The following GRIN3A variants were observed in gnomAD, a reference collection of about 807,000 sequenced individuals.
GRIN3A encodes the protein glutamate ionotropic receptor NMDA type subunit 3A, also known as glutamate receptor ionotropic, NMDA 3A.
In GRIN3A, 47 loss-of-function variants were observed where a neutral mutation model predicts 92.4. That is an observed-to-expected ratio of 0.51 (90% CI 0.40 to 0.65). The LOEUF (loss-of-function observed/expected upper bound fraction) is 0.65, where lower values mean the gene tolerates loss of function less well. Ranked by LOEUF, GRIN3A falls within the 30% of genes least tolerant of loss-of-function variation. The pLI, the probability that GRIN3A is intolerant of heterozygous loss-of-function variation, is 0.00. For missense variants in GRIN3A, 1,324 were observed against 1,393.1 expected (o/e 0.95, Z 0.79); for synonymous variants, 527 against 540.6 (o/e 0.97, Z 0.35).
chr9:101,677,239 A>G (rs1281058926), intron 2 of GRIN3A, among the ~76,000 whole-genome samples: 2 of 151,810 alleles, frequency 1.3e-5, no homozygotes, highest in South Asian at 2.1e-4. Context: ...GATTTCCTAA[A>G]TTATTCTCAT....
intron 3 of GRIN3A, among the ~76,000 whole-genome samples, chr9:101,658,997 C>A (rs1186637766): frequency 2.0e-5 from 3 of 151,780 alleles, no homozygotes; most frequent in African/African-American, 7.3e-5. Flanking sequence ...TCATAAAAAT[C>A]CAACTTTCAA....
At chr9:101,625,524 C>T (rs16920538) in intron 4 of GRIN3A, among the ~76,000 whole-genome samples, 2,135 of 152,256 alleles carry the variant, frequency 0.014, 66 homozygotes, top group African/African-American at 0.049. Flanking sequence ...TACCAATGAC[C>T]GTTGCTTTCT....
At chr9:101,634,954 T>C (rs1828765925) in intron 3 of GRIN3A, among the ~76,000 whole-genome samples, 1 of 152,152 alleles carries the variant, frequency 6.6e-6, no homozygotes, top group African/African-American at 2.4e-5. Context: ...AGAAAAACAA[T>C]GCCAAAAAGA....
chr9:101,695,937 C>G (rs183841256), intron 1 of GRIN3A, among the ~76,000 whole-genome samples: 42 of 152,256 alleles, frequency 2.8e-4, no homozygotes, highest in Admixed American at 2.5e-3. Flanking sequence ...GTGTTAGGTA[C>G]TTGCTATCCC....
At chr9:101,662,034 G>A (rs1197144866) in intron 3 of GRIN3A, among the ~76,000 whole-genome samples, 1 of 147,292 alleles carries the variant, frequency 6.8e-6, no homozygotes, top group African/African-American at 2.6e-5. Context: ...TTGATTTTAA[G>A]GTTACTTATA....
chr9:101,570,346 G>T lies in GRIN3A; in HGVS notation c.*2828C>A, dbSNP rs1827742115. The T allele has an allele frequency of 6.6e-6, 1 of 152,528 alleles. No individual in the cohort carries two copies. Among genetic ancestry groups the T allele is most frequent in the African/African-American group, 2.4e-5 (1 of 41,408 alleles). The allele number at this position is 152,528 out of a possible 1,614,324, so 9.4% of individuals were successfully genotyped here. A position where few individuals can be genotyped will look rare whatever the true frequency, so the allele number is the denominator to read the frequency against. On this transcript the variant is annotated 3_prime_UTR_variant, in exon 9 of 9. Transcript: ENST00000361820. Reference sequence around the variant, plus strand: ...TTTGTGTTTTTTTTGAGCCTCAAAGGAGTTGAAAGAACAGAGGCAGAGCTG... The same window carrying T: ...TTTGTGTTTTTTTTGAGCCTCAAAGTAGTTGAAAGAACAGAGGCAGAGCTG...
chr9:101,590,518 A>C (rs964444209), intron 6 of GRIN3A, among the ~76,000 whole-genome samples: 1 of 151,938 alleles, frequency 6.6e-6, no homozygotes, highest in Non-Finnish European at 1.5e-5. Flanking sequence ...AGTAGCTGGG[A>C]TTACAGGCAC....
intron 5 of GRIN3A, among the ~76,000 whole-genome samples, chr9:101,622,964 C>T (rs1329246331): frequency 1.3e-5 from 2 of 150,108 alleles, no homozygotes; most frequent in African/African-American, 5.0e-5. Flanking sequence ...CAAGCTTGGG[C>T]AACATAGCAC....
At chr9:101,656,560 A>G (rs1829090994) in intron 3 of GRIN3A, among the ~76,000 whole-genome samples, 1 of 151,868 alleles carries the variant, frequency 6.6e-6, no homozygotes, top group African/African-American at 2.4e-5. Flanking sequence ...TGCTTCTCTG[A>G]TTGTATTGTG....
chr9:101,664,108 TCCTGTGAGTGC>T (rs1829209466), intron 3 of GRIN3A, among the ~76,000 whole-genome samples: 1 of 151,894 alleles, frequency 6.6e-6, no homozygotes, highest in Non-Finnish European at 1.5e-5. Flanking sequence ...GGCTGAAATG[TCCTGTGAGTGC>T]CCAGATCCAC....
At chr9:101,723,245 G>A (rs1157007423) in intron 1 of GRIN3A, among the ~76,000 whole-genome samples, 1 of 152,054 alleles carries the variant, frequency 6.6e-6, no homozygotes. Context: ...TCTGATGTTC[G>A]GATGTGTTAG....
At chr9:101,697,114 G>C (rs1329885218) in intron 1 of GRIN3A, among the ~76,000 whole-genome samples, 3 of 152,030 alleles carry the variant, frequency 2.0e-5, no homozygotes, top group Admixed American at 6.6e-5. Context: ...TTCATTGCTT[G>C]CTACCTGACA....
At chr9:101,640,151 A>G (rs1010457327) in intron 3 of GRIN3A, among the ~76,000 whole-genome samples, 1 of 152,172 alleles carries the variant, frequency 6.6e-6, no homozygotes, top group East Asian at 1.9e-4. Context: ...TATACTATAT[A>G]GTGTATAGTA....
chr9:101,725,928 T>G (rs1399090983), intron 1 of GRIN3A, among the ~76,000 whole-genome samples: 1 of 152,230 alleles, frequency 6.6e-6, no homozygotes, highest in African/African-American at 2.4e-5. Context: ...TCTTATATTC[T>G]GCTGTATTTT....
At chr9:101,576,410 A>T (rs888770224) in intron 8 of GRIN3A, among the ~76,000 whole-genome samples, 7 of 152,160 alleles carry the variant, frequency 4.6e-5, no homozygotes, top group African/African-American at 1.7e-4. Context: ...TTAGATCCTC[A>T]AAATAAGGGG....
rs563742317 is a variant in GRIN3A, at chr9:101,671,137, A to G, written c.1305-30T>C. The G allele has an allele frequency of 6.7e-6, 10 of 1,501,446 alleles. No homozygotes were observed. In the African/African-American group the frequency reaches 1.2e-4, roughly 19 times the overall value. The allele number at this position is 1,501,446 out of a possible 1,614,324, so 93.0% of individuals were successfully genotyped here. ...GAAAGAGGAGCAAAGGCAAAAAGTA[A>G]GAAAAGCAGTGAGGCCTAAGATAGG... On this transcript the variant is annotated intron_variant, in intron 2 of 8. Transcript: ENST00000361820.
chr9:101,607,276 A>G (rs1247615680), intron 6 of GRIN3A, among the ~76,000 whole-genome samples: 1 of 152,142 alleles, frequency 6.6e-6, no homozygotes, highest in Non-Finnish European at 1.5e-5. Flanking sequence ...TTAATGTCCA[A>G]CTGCTAGAAA....
intron 6 of GRIN3A, among the ~76,000 whole-genome samples, chr9:101,597,607 C>T (rs143620090): frequency 1.8e-3 from 269 of 152,252 alleles, no homozygotes; most frequent in African/African-American, 6.2e-3. Context: ...GAATTGGTAT[C>T]TCACTTGCAG....
Position 101,670,344 on chromosome 9 carries a change from C to A in GRIN3A, c.2068G>T (p.Val690Phe). 2 of 1,613,982 alleles carry A rather than the reference C, an allele frequency of 1.2e-6. No homozygotes were observed. Among genetic ancestry groups the A allele is most frequent in the South Asian group, 1.1e-5 (1 of 91,078 alleles). ...TTCCATTCATACAGAGTGAGGAAGA[C>A]GGCAGTGATGTGCAGAGCCACAAAA... ...GIFVALHITA[V>F]FLTLYEWKSP... Residue 690 changes from valine (V) to phenylalanine (F), a missense_variant, in exon 3 of 9, where the codon GTC becomes TTC. Transcript: ENST00000361820.
Sources: allele counts gnomAD v4.1 joint callset (sites outside exome capture counted in the v4.1 genomes callset), GRCh38; gene constraint gnomAD v4.1.1; transcripts MANE v1.5; gene names NCBI Gene and HGNC (gene_info 2026-07-23, HGNC 2026-07-21).